PIP5K1B: variants seen among roughly 807,000 people sequenced by gnomAD.
The protein encoded by PIP5K1B is phosphatidylinositol-4-phosphate 5-kinase type 1 beta.
PIP5K1B carries 42 observed loss-of-function variants against 67.0 expected under a neutral mutation model. The observed-to-expected ratio is 0.63, with a 90% CI of 0.49 to 0.81. PIP5K1B has a LOEUF of 0.81. Among genes scored for constraint, PIP5K1B ranks in the 30% least tolerant of loss-of-function variants. The probability of loss-of-function intolerance (pLI) is 0.00; values close to 1 mark genes in which losing one functional copy is unlikely to be tolerated. For synonymous variants in PIP5K1B, 214 were observed against 231.4 expected (o/e 0.92, Z 0.68); for missense variants, 459 against 646.3 (o/e 0.71, Z 3.14).
At chr9:68,847,004 A>G (rs1281762205) in intron 4 of PIP5K1B, among the ~76,000 whole-genome samples, 9 of 152,216 alleles carry the variant, frequency 5.9e-5, no homozygotes. Flanking sequence ...ACATCCAGTG[A>G]TCCCTACCCC....
chr9:68,813,553 A>T (rs1332066791), intron 2 of PIP5K1B, among the ~76,000 whole-genome samples: 1 of 152,216 alleles, frequency 6.6e-6, no homozygotes, highest in Admixed American at 6.5e-5. Context: ...TATGTTCCCT[A>T]GAAAGATATG....
At chr9:68,948,905 A>T (rs892646408) in intron 14 of PIP5K1B, among the ~76,000 whole-genome samples, 12 of 152,208 alleles carry the variant, frequency 7.9e-5, no homozygotes, top group Non-Finnish European at 1.5e-5. Context: ...ATCTGACATT[A>T]TATGAAGAAT....
At chr9:68,858,662 A>C (rs1358884509) in intron 4 of PIP5K1B, among the ~76,000 whole-genome samples, 1 of 152,220 alleles carries the variant, frequency 6.6e-6, no homozygotes, top group East Asian at 1.9e-4. Context: ...GGCTTCAAGC[A>C]AGGCACTGAC....
chr9:68,848,810 C>T (rs1822327996), intron 4 of PIP5K1B, among the ~76,000 whole-genome samples: 2 of 152,128 alleles, frequency 1.3e-5, no homozygotes, highest in African/African-American at 2.4e-5. Context: ...AATAATTGAA[C>T]ATGACTATTA....
In PIP5K1B at chr9:68,953,805, T is replaced by TAAA. The variant is rs71353095; in HGVS notation, c.1502+13038_1502+13040dup. On this transcript the variant is annotated intron_variant, in intron 14 of 15. Coordinates refer to ENST00000265382, the MANE Select transcript of PIP5K1B (RefSeq NM_003558.4). ...TGGGCAACAGAGCAAGACTCTGTCTTAAAAAAAAAAAAAAAAAAAAAAAAA... is the reference window on the plus strand; with the variant it reads ...TGGGCAACAGAGCAAGACTCTGTCTTAAAAAAAAAAAAAAAAAAAAAAAAAAAA... 1.4e-3 allele frequency among the ~76,000 whole-genome samples: 152 copies of TAAA among 108,586 alleles called. 1 individual carries two copies. The highest frequency in any genetic ancestry group is 0.012 in the East Asian group (51 of 4,244). 71.2% of individuals were successfully genotyped at this position (108,586 alleles called of 152,430 possible). A position where few individuals can be genotyped will look rare whatever the true frequency, so the allele number is the denominator to read the frequency against.
chr9:68,826,943 G>GA (rs918434449), intron 4 of PIP5K1B, among the ~76,000 whole-genome samples: 3 of 151,346 alleles, frequency 2.0e-5, no homozygotes, highest in Non-Finnish European at 4.4e-5. Flanking sequence ...GTTGAGATGG[G>GA]GTTTCACCAT....
intron 2 of PIP5K1B, among the ~76,000 whole-genome samples, chr9:68,769,426 T>C (rs1396134504): frequency 6.6e-6 from 1 of 152,198 alleles, no homozygotes; most frequent in African/African-American, 2.4e-5. Flanking sequence ...CGAAAAGCAG[T>C]AGCATTAATT....
chr9:68,798,551 C>A (rs906133820), intron 2 of PIP5K1B, among the ~76,000 whole-genome samples: 1 of 151,880 alleles, frequency 6.6e-6, no homozygotes, highest in Admixed American at 6.6e-5. Flanking sequence ...CAGGGAGAAT[C>A]ATCATGGGCA....
intron 14 of PIP5K1B, among the ~76,000 whole-genome samples, chr9:68,979,260 G>A (rs1224873882): frequency 6.6e-6 from 1 of 152,212 alleles, no homozygotes; most frequent in Non-Finnish European, 1.5e-5. Context: ...AGACAAGATA[G>A]TCTTAATACT....
intron 2 of PIP5K1B, among the ~76,000 whole-genome samples, chr9:68,815,526 T>C (rs1329916331): frequency 2.0e-5 from 3 of 152,112 alleles, no homozygotes; most frequent in Admixed American, 1.3e-4. Context: ...GACAATGTTA[T>C]GTTCAGGTTT....
At chr9:68,854,330 A>C (rs1587561440) in intron 4 of PIP5K1B, among the ~76,000 whole-genome samples, 1 of 151,896 alleles carries the variant, frequency 6.6e-6, no homozygotes, top group Admixed American at 6.6e-5. Context: ...AGGTCTTACT[A>C]TGCGGCCCAG....
chr9:68,858,162 C>T (rs1184083486), intron 4 of PIP5K1B, among the ~76,000 whole-genome samples: 5 of 151,926 alleles, frequency 3.3e-5, no homozygotes, highest in Admixed American at 6.6e-5. Context: ...TTAGTAGAGA[C>T]GCGGTTTCAC....
intron 1 of PIP5K1B, among the ~76,000 whole-genome samples, chr9:68,723,948 G>A (rs1828027484): frequency 1.3e-5 from 2 of 151,588 alleles, no homozygotes; most frequent in Admixed American, 6.6e-5. Flanking sequence ...TTATTGCCCA[G>A]ACAAATATCT....
At chr9:68,774,220 T>C (rs1830801225) in intron 2 of PIP5K1B, among the ~76,000 whole-genome samples, 1 of 152,240 alleles carries the variant, frequency 6.6e-6, no homozygotes, top group Non-Finnish European at 1.5e-5. Context: ...CTTGGTGATC[T>C]GTAACTGGCT....
intron 2 of PIP5K1B, among the ~76,000 whole-genome samples, chr9:68,799,227 A>G (rs1243211950): frequency 6.6e-6 from 1 of 152,230 alleles, no homozygotes; most frequent in Non-Finnish European, 1.5e-5. Flanking sequence ...TTTAAAAAGC[A>G]TTTGGAGTAT....
At chr9:68,961,557 C>T (rs1468076178) in intron 14 of PIP5K1B, among the ~76,000 whole-genome samples, 1 of 152,132 alleles carries the variant, frequency 6.6e-6, no homozygotes, top group African/African-American at 2.4e-5. Context: ...CACTGTAGGG[C>T]GATTTGGCTG....
At chr9:68,781,018 C>T (rs13298220) in intron 2 of PIP5K1B, 2 of 1,612,500 alleles carry the variant, frequency 1.2e-6, no homozygotes, top group Middle Eastern at 1.7e-4. Context: ...GATGAACTTT[C>T]GTCTAAGTGA....
chr9:68,864,997 T>C (rs1823286556), intron 5 of PIP5K1B, among the ~76,000 whole-genome samples: 4 of 152,228 alleles, frequency 2.6e-5, no homozygotes, highest in Non-Finnish European at 4.4e-5. Flanking sequence ...GTCAACTGCC[T>C]AAAAATAAAA....
intron 14 of PIP5K1B, among the ~76,000 whole-genome samples, chr9:68,952,355 G>C (rs1204445570): frequency 6.6e-6 from 1 of 152,164 alleles, no homozygotes; most frequent in Non-Finnish European, 1.5e-5. Context: ...GGACTGAACT[G>C]GTTGCCCTCT....
Sources: gnomAD v4.1 joint callset for allele counts (sites outside exome capture counted in the v4.1 genomes callset) on GRCh38, gnomAD v4.1.1 for gene constraint, MANE v1.5 for transcripts, NCBI Gene and HGNC (gene_info 2026-07-23, HGNC 2026-07-21) for gene names.